Variants in BPIFA3 observed in about 807,000 individuals in gnomAD.
The protein encoded by BPIFA3 is BPI fold containing family A member 3.
BPIFA3 carries 32 observed loss-of-function variants against 29.7 expected under a neutral mutation model. The ratio of observed to expected loss-of-function variants is 1.08; its 90% confidence interval spans 0.81 to 1.45. The LOEUF (loss-of-function observed/expected upper bound fraction) is 1.45. Ranked by LOEUF, BPIFA3 falls within the 40% of genes most tolerant of loss-of-function variation. BPIFA3 has a pLI of 0.00. For synonymous variants in BPIFA3, 112 were observed against 113.7 expected (o/e 0.98, Z 0.10); for missense variants, 323 against 311.3 (o/e 1.04, Z -0.28).
At position 33,224,325 on chromosome 20, in the gene BPIFA3, T is replaced by A. The variant is rs778745913; in HGVS notation, c.279-30T>A. ...TTACCTGTTCTGAAGTCCCTCACCCTTGTGGGGCCTCTGCTCTTTCCTTGT... is the reference window on the plus strand; with the variant it reads ...TTACCTGTTCTGAAGTCCCTCACCCATGTGGGGCCTCTGCTCTTTCCTTGT... On this transcript the variant is annotated intron_variant, in intron 2 of 6. Transcript: ENST00000375454. 3.2e-6 allele frequency: 5 copies of A among 1,585,848 alleles called. No homozygotes were observed. In the South Asian group the frequency reaches 5.5e-5, roughly 18 times the overall value.
At chr20:33,227,123 G>A (rs1392956154) in intron 6 of BPIFA3, 130 bp downstream of exon 6, 3 of 760,238 alleles carry the variant, frequency 3.9e-6, no homozygotes, top group Non-Finnish European at 4.6e-6. Context: ...ACACTTTAGA[G>A]GTGACCATAT....
intron 5 of BPIFA3, 165 bp from the exon 6 acceptor site, chr20:33,226,765 T>C (rs1985799128): frequency 2.8e-6 from 2 of 710,912 alleles, no homozygotes; most frequent in Non-Finnish European, 4.8e-6. Flanking sequence ...GTCGAAGTGT[T>C]GTGCATGACA....
At chr20:33,225,318 C>T in intron 4 of BPIFA3, 71 bp downstream of exon 4, 1 of 1,599,648 alleles carries the variant, frequency 6.3e-7, no homozygotes, top group Non-Finnish European at 8.5e-7. Flanking sequence ...GGGTCACTTC[C>T]TGACCGTCTC....
intron 5 of BPIFA3, 123 bp downstream of exon 5, chr20:33,226,613 T>TA: frequency 2.6e-6 from 2 of 780,492 alleles, no homozygotes; most frequent in Non-Finnish European, 4.1e-6. Context: ...AATCTCAATT[T>TA]AAAATTTCAG....
chr20:33,224,282 G>T, intron 2 of BPIFA3, 73 bp from the exon 3 acceptor site: 1 of 1,245,652 alleles, frequency 8.0e-7, no homozygotes, highest in Non-Finnish European at 1.2e-6. Context: ...GGACAGCCTT[G>T]TTTCTCAGCA....
chr20:33,227,351 T>C (rs945616040), intron 6 of BPIFA3, among the ~76,000 whole-genome samples, 187 bp from the exon 7 acceptor site: 11 of 152,184 alleles, frequency 7.2e-5, no homozygotes, highest in African/African-American at 2.7e-4. Context: ...CCTGCCCATA[T>C]AGAGCTCACA....
intron 1 of BPIFA3, 71 bp downstream of exon 1, chr20:33,217,734 A>G (rs1474495105): frequency 6.5e-7 from 1 of 1,530,256 alleles, no homozygotes; most frequent in African/African-American, 1.4e-5. Context: ...TCTGGGCTCC[A>G]CTGCTAACCC....
At chr20:33,226,848 A>AAACCGG in intron 5 of BPIFA3, 82 bp from the exon 6 acceptor site, 1 of 1,556,962 alleles carries the variant, frequency 6.4e-7, no homozygotes, top group Non-Finnish European at 8.9e-7. Context: ...AATCCCATGG[A>AAACCGG]GTTGAAGTTT....
intron 6 of BPIFA3, 42 bp downstream of exon 6, chr20:33,227,035 C>T (rs1985815582): frequency 1.9e-6 from 3 of 1,578,546 alleles, no homozygotes; most frequent in Non-Finnish European, 2.6e-6. Context: ...TTAGGACTGG[C>T]AAGTGGCTGA....
intron 1 of BPIFA3, among the ~76,000 whole-genome samples, chr20:33,220,870 C>T (rs1985478755): frequency 6.6e-6 from 1 of 152,156 alleles, no homozygotes; most frequent in Non-Finnish European, 1.5e-5. Context: ...GAGCCTTCTA[C>T]AGGAATGGAA....
rs145841702 is a variant in BPIFA3, at chr20:33,221,249, G to A, written c.128-2562G>A. On this transcript the variant is annotated intron_variant, in intron 1 of 6. Transcript: ENST00000375454. ...ATTGAAACCTCCACCTCCCAGCCTG[G>A]GTTCAAATGATTCTCCTGCCTCAGC... Among the ~76,000 whole-genome samples, 705 of 151,672 alleles carry A rather than the reference G, an allele frequency of 4.6e-3. 2 individuals carry two copies. The highest frequency in any genetic ancestry group is 0.017 in the Middle Eastern group (5 of 294).
At position 33,227,609 on chromosome 20, in the gene BPIFA3, C is replaced by G; in HGVS notation, c.757C>G (p.Pro253Ala). Residue 253 changes from proline to alanine, a missense_variant, in exon 7 of 7, where the codon CCC becomes GCC. Transcript: ENST00000375454. ...CTCTGCATGCCAGGCTGGAGAGTCC[C>G]CCAGCTGACTTCTGCTGATCAGAAG... ...QPSACQAGES[P>A]S 6.2e-7 allele frequency: 1 copy of G among 1,613,794 alleles called. No individual in the cohort carries two copies. The highest frequency in any genetic ancestry group is 8.5e-7 in the Non-Finnish European group (1 of 1,179,736).
rs751922033 is a variant in BPIFA3, at chr20:33,226,419, A to C, written c.550A>C (p.Lys184Gln). The C allele has an allele frequency of 1.2e-6, 2 of 1,612,518 alleles. No individual in the cohort carries two copies. Among genetic ancestry groups the C allele is most frequent in the South Asian group, 2.2e-5 (2 of 90,890 alleles). ...VAILTEAIPP[K>Q]MNQFLYNLKE... ...CTTTCTTTCTAGGGCTATCCCACCA[A>C]AGATGAATCAGTTTCTCTACAACCT... The change falls in exon 5 of 7, where the codon AAG becomes CAG. Residue 184 changes from lysine (K) to glutamine (Q), a missense_variant. By Grantham distance (53) the Lys-to-Gln change is moderately conservative. Coordinates refer to ENST00000375454, the MANE Select transcript of BPIFA3 (RefSeq NM_178466.5).
intron 1 of BPIFA3, among the ~76,000 whole-genome samples, chr20:33,222,592 ATGGATGGATGGATGAG>A (rs1985569807): frequency 8.4e-5 from 11 of 131,046 alleles, no homozygotes; most frequent in African/African-American, 3.1e-4. Flanking sequence ...GGATGGATGG[ATGGATGGATGGATGAG>A]TGGATGGATG....
chr20:33,226,623 G>GT, intron 5 of BPIFA3, 133 bp downstream of exon 5: 1 of 749,910 alleles, frequency 1.3e-6, no homozygotes. Context: ...TAAAATTTCA[G>GT]TTTGGCCATG....
intron 1 of BPIFA3, among the ~76,000 whole-genome samples, chr20:33,222,292 C>T (rs1438510447): frequency 2.0e-5 from 3 of 152,188 alleles, no homozygotes; most frequent in Admixed American, 6.5e-5. Context: ...TGGCCCATGG[C>T]CATTGGCGCT....
Position 33,227,012 on chromosome 20 carries a change from C to T in BPIFA3, c.685+19C>T, listed in dbSNP as rs1444469295. On this transcript the variant is annotated intron_variant, in intron 6 of 6. Transcript: ENST00000375454. Reference sequence around the variant, plus strand: ...CTCATAGGTGAGTGTCTGGTCCATCCAGTGAGGACTTCTTAGGACTGGCAA... The same window carrying T: ...CTCATAGGTGAGTGTCTGGTCCATCTAGTGAGGACTTCTTAGGACTGGCAA... 1 of 1,606,736 alleles carries T rather than the reference C, an allele frequency of 6.2e-7. No homozygotes were observed. The highest frequency in any genetic ancestry group is 8.5e-7 in the Non-Finnish European group (1 of 1,173,282).
intron 1 of BPIFA3, among the ~76,000 whole-genome samples, chr20:33,219,944 T>G (rs1484610081): frequency 6.6e-6 from 1 of 151,418 alleles, no homozygotes; most frequent in African/African-American, 2.4e-5. Context: ...AAAATAAAAT[T>G]AGAAAATTAG....
chr20:33,218,175 A>G (rs889182924), intron 1 of BPIFA3, among the ~76,000 whole-genome samples: 9 of 152,340 alleles, frequency 5.9e-5, no homozygotes, highest in East Asian at 1.9e-4. Context: ...ATGGACATGC[A>G]GGTTGTCTCT....
Sources: allele counts gnomAD v4.1 joint callset (sites outside exome capture counted in the v4.1 genomes callset), GRCh38; gene constraint gnomAD v4.1.1; transcripts MANE v1.5; gene names NCBI Gene and HGNC (gene_info 2026-07-23, HGNC 2026-07-21).